SLC9B1: variants seen among roughly 807,000 people sequenced by gnomAD.
SLC9B1 encodes the protein solute carrier family 9 member B1, also known as sodium/hydrogen exchanger 9B1.
In SLC9B1, 32 loss-of-function variants were observed where a neutral mutation model predicts 51.7. That is an observed-to-expected ratio of 0.62 (90% confidence interval 0.47 to 0.83). The LOEUF is 0.83. SLC9B1 is among the 40% of genes least tolerant of loss of function. SLC9B1 has a pLI of 0.00. For missense variants in SLC9B1, 406 were observed against 613.2 expected (o/e 0.66, Z 3.57); for synonymous variants, 145 against 212.7 (o/e 0.68, Z 2.77).
In SLC9B1 at chr4:102,949,542, T is replaced by C. The variant is rs576497791; in HGVS notation, c.212-115A>G. ...ATAGCCAGTTTTATAAAATGATACA[T>C]GGTATAGATCAACATTGCTTACTAG... On this transcript the variant is annotated intron_variant, in intron 3 of 11. Coordinates refer to ENST00000296422, the MANE Select transcript of SLC9B1 (RefSeq NM_139173.4). 2.5e-4 allele frequency: 176 copies of C among 713,338 alleles called. 1 individual carries two copies. In the African/African-American group the frequency reaches 2.8e-3, roughly 11 times the overall value. The allele number at this position is 713,338 out of a possible 1,614,324, so 44.2% of individuals were successfully genotyped here. A position where few individuals can be genotyped will look rare whatever the true frequency, so the allele number is the denominator to read the frequency against.
chr4:103,001,922 C>T lies in SLC9B1; in HGVS notation c.-1-10210G>A, dbSNP rs1047366999. ...TCACAGTTCTGCATGGCTTAGGAGG[C>T]CACAGAAAACTTACAATCATGGTGG... is the stretch of plus-strand genomic sequence containing the variant. On this transcript the variant is annotated intron_variant, in intron 1 of 11. Transcript: ENST00000296422. Among the ~76,000 whole-genome samples, 3 of 152,176 alleles carry T rather than the reference C, an allele frequency of 2.0e-5. No homozygotes were observed. In the South Asian group the frequency reaches 6.2e-4, roughly 31 times the overall value.
chr4:102,986,199 C>T (rs141176335), intron 3 of SLC9B1, among the ~76,000 whole-genome samples: 1 of 150,944 alleles, frequency 6.6e-6, no homozygotes, highest in Non-Finnish European at 1.5e-5. Flanking sequence ...GTCTTTGTTT[C>T]TCCTTCACTT....
intron 1 of SLC9B1, among the ~76,000 whole-genome samples, chr4:102,992,118 A>T (rs1006516849): frequency 1.3e-5 from 2 of 152,152 alleles, no homozygotes; most frequent in African/African-American, 4.8e-5. Flanking sequence ...ATGAAATATG[A>T]CCAACTACAT....
chr4:102,920,843 A>G (rs1173470895), intron 7 of SLC9B1, among the ~76,000 whole-genome samples: 1 of 152,232 alleles, frequency 6.6e-6, no homozygotes, highest in African/African-American at 2.4e-5. Context: ...AAATAAAGTG[A>G]GAAGACAAGG....
chr4:103,019,033 C>A (rs1405361465), intron 1 of SLC9B1, among the ~76,000 whole-genome samples: 1 of 152,042 alleles, frequency 6.6e-6, no homozygotes, highest in Non-Finnish European at 1.5e-5. Context: ...CCCATCTTGC[C>A]CCCCACCCCA....
At chr4:102,949,943 A>G (rs1737463325) in intron 3 of SLC9B1, among the ~76,000 whole-genome samples, 1 of 152,144 alleles carries the variant, frequency 6.6e-6, no homozygotes. Flanking sequence ...CCTGTGTGAC[A>G]GAGTGAGACT....
At chr4:102,986,476 T>C (rs1443186741) in intron 3 of SLC9B1, among the ~76,000 whole-genome samples, 1 of 152,168 alleles carries the variant, frequency 6.6e-6, no homozygotes, top group East Asian at 1.9e-4. Flanking sequence ...CCCTGTTTGG[T>C]CTTTTCTGGG....
chr4:102,958,741 T>C (rs1479886646), intron 3 of SLC9B1, among the ~76,000 whole-genome samples: 2 of 151,932 alleles, frequency 1.3e-5, no homozygotes, highest in African/African-American at 2.4e-5. Context: ...GCTAACATGG[T>C]GAAACCCCGT....
At position 102,989,977 on chromosome 4, in the gene SLC9B1, C is replaced by T. The variant is rs763171786; in HGVS notation, c.70-36G>A. ...ACAAGAAAATCTTTAAGGAACCATA[C>T]TTTCTGTATAATTTTATGAATGAAA... On this transcript the variant is annotated intron_variant, in intron 2 of 11. Coordinates refer to ENST00000296422, the MANE Select transcript of SLC9B1 (RefSeq NM_139173.4). 1.8e-5 allele frequency: 27 copies of T among 1,513,256 alleles called. No homozygotes were observed. The South Asian group carries it at 2.9e-4, about 16-fold the overall frequency. The allele number at this position is 1,513,256 out of a possible 1,614,324, so 93.7% of individuals were successfully genotyped here.
At chr4:102,919,318 G>A (rs1305134279) in intron 7 of SLC9B1, among the ~76,000 whole-genome samples, 2 of 152,112 alleles carry the variant, frequency 1.3e-5, no homozygotes, top group Non-Finnish European at 2.9e-5. Flanking sequence ...TTAAACATAA[G>A]TTCCAATTCC....
At chr4:102,957,911 T>C (rs1462515307) in intron 3 of SLC9B1, among the ~76,000 whole-genome samples, 1 of 152,088 alleles carries the variant, frequency 6.6e-6, no homozygotes, top group African/African-American at 2.4e-5. Flanking sequence ...TGGATCAAAG[T>C]TGCTATATAA....
chr4:102,927,380 C>T (rs2110453087), intron 7 of SLC9B1, among the ~76,000 whole-genome samples: 1 of 151,976 alleles, frequency 6.6e-6, no homozygotes, highest in Admixed American at 6.5e-5. Flanking sequence ...AACAAATTTA[C>T]AAGAAAAAAA....
At chr4:102,977,166 A>G (rs577175517) in intron 3 of SLC9B1, among the ~76,000 whole-genome samples, 14 of 152,144 alleles carry the variant, frequency 9.2e-5, no homozygotes, top group African/African-American at 3.4e-4. Flanking sequence ...AAGAAAAAAA[A>G]AGAGAGAAAT....
At chr4:102,975,582 A>ATTTTTT (rs1361023040) in intron 3 of SLC9B1, among the ~76,000 whole-genome samples, 90 of 73,492 alleles carry the variant, frequency 1.2e-3, no homozygotes, top group African/African-American at 3.0e-3. Context: ...ATATATATAT[A>ATTTTTT]TATATTTTTT....
At chr4:102,932,606 G>A (rs933064687) in intron 6 of SLC9B1, among the ~76,000 whole-genome samples, 2 of 152,176 alleles carry the variant, frequency 1.3e-5, no homozygotes, top group African/African-American at 4.8e-5. Flanking sequence ...AGCAAAAGGT[G>A]AATCCGCAAT....
chr4:102,973,917 A>G (rs895426308), intron 3 of SLC9B1, among the ~76,000 whole-genome samples: 1 of 152,172 alleles, frequency 6.6e-6, no homozygotes, highest in African/African-American at 2.4e-5. Context: ...AAAATTAGTT[A>G]AGCGTCCACC....
intron 6 of SLC9B1, among the ~76,000 whole-genome samples, chr4:102,938,477 T>C (rs1014471463): frequency 2.0e-5 from 3 of 152,044 alleles, no homozygotes; most frequent in Non-Finnish European, 4.4e-5. Context: ...AGACAGAAAA[T>C]GAACAAAGAT....
chr4:102,983,025 AG>A (rs1219082921), intron 3 of SLC9B1, among the ~76,000 whole-genome samples: 1 of 152,096 alleles, frequency 6.6e-6, no homozygotes, highest in East Asian at 1.9e-4. Context: ...GGATTTTAGT[AG>A]ATAGTTTTTA....
intron 1 of SLC9B1, among the ~76,000 whole-genome samples, chr4:102,999,828 T>C (rs960288193): frequency 6.6e-6 from 1 of 152,228 alleles, no homozygotes; most frequent in African/African-American, 2.4e-5. Context: ...ATTGTATTAT[T>C]CTGTTTTCAC....
Sources: allele counts gnomAD v4.1 joint callset (sites outside exome capture counted in the v4.1 genomes callset), GRCh38; gene constraint gnomAD v4.1.1; transcripts MANE v1.5; gene names NCBI Gene and HGNC (gene_info 2026-07-23, HGNC 2026-07-21).